SNAP91: variants seen among roughly 807,000 people sequenced by gnomAD.
SNAP91 encodes clathrin coat assembly protein AP180.
A neutral mutation model predicts 100.3 loss-of-function variants in SNAP91; 27 were observed. The observed-to-expected ratio is 0.27, with a 90% CI of 0.20 to 0.37. SNAP91 has a LOEUF of 0.37. Ranked by LOEUF, SNAP91 falls within the 10% of genes least tolerant of loss-of-function variation. The probability of loss-of-function intolerance (pLI) is 1.00; values close to 1 mark genes in which losing one functional copy is unlikely to be tolerated. For missense variants in SNAP91, 986 were observed against 1,123.7 expected (o/e 0.88, Z 1.75); for synonymous variants, 404 against 398.6 (o/e 1.01, Z -0.16).
chr6:83,591,334 G>A, intron 21 of SNAP91, 40 bp from the exon 22 acceptor site: 2 of 1,346,368 alleles, frequency 1.5e-6, no homozygotes, highest in East Asian at 2.3e-5. Flanking sequence ...GTAAGAAAGT[G>A]TAAAAAGTAA....
intron 22 of SNAP91, among the ~76,000 whole-genome samples, chr6:83,585,681 T>G (rs2324446): frequency 0.029 from 4,360 of 152,200 alleles, 77 homozygotes; most frequent in East Asian, 0.057. Flanking sequence ...GATACACTGC[T>G]TTTTAATCAC....
intron 2 of SNAP91, chr6:83,690,355 T>C: frequency 7.8e-7 from 1 of 1,287,414 alleles, no homozygotes; most frequent in Non-Finnish European, 1.0e-6. Flanking sequence ...CCTCATACTT[T>C]GGTTGTATGA....
rs148470987 is a variant in SNAP91, at chr6:83,649,203, T to C, written c.658+7551A>G. Among the ~76,000 whole-genome samples, 887 of 152,350 alleles carry C rather than the reference T, an allele frequency of 5.8e-3. 29 individuals are homozygous for C. Among genetic ancestry groups the C allele is most frequent in the Admixed American group, 0.046 (700 of 15,300 alleles). ...AGCTTATAAGTCATGAATTTGGAAG[T>C]GGCTTAGCTGGATGATTCTGGCTCA... On this transcript the variant is annotated intron_variant, in intron 7 of 29. Coordinates refer to ENST00000369694, the MANE Select transcript of SNAP91 (RefSeq NM_001242792.2).
At chr6:83,659,310 G>T (rs7775325) in intron 5 of SNAP91, among the ~76,000 whole-genome samples, 1 of 151,874 alleles carries the variant, frequency 6.6e-6, no homozygotes, top group South Asian at 2.1e-4. Context: ...TTTTCTATGT[G>T]TACTGCCCTT....
intron 15 of SNAP91, 60 bp downstream of exon 15, chr6:83,601,525 G>A (rs2095222732): frequency 6.2e-7 from 1 of 1,610,816 alleles, no homozygotes; most frequent in African/African-American, 1.3e-5. Flanking sequence ...TCAAAATAAG[G>A]ACAGTTGTTA....
chr6:83,606,940 C>A (rs1057012131), intron 13 of SNAP91, among the ~76,000 whole-genome samples: 3 of 152,200 alleles, frequency 2.0e-5, no homozygotes, highest in East Asian at 3.9e-4. Flanking sequence ...TTATAAAATG[C>A]AGAACTAAGC....
In SNAP91 at chr6:83,621,933, A is replaced by G. The variant is rs541042146; in HGVS notation, c.807+1368T>C. Among the ~76,000 whole-genome samples, 3 of 152,212 alleles carry G rather than the reference A, an allele frequency of 2.0e-5. No individual in the cohort carries two copies. In the East Asian group the frequency reaches 5.8e-4, roughly 29 times the overall value. ...GTATTACTTATGTGGATTATTTTTTAAAATGTACTATAAATTTTACTAAAA... is the reference window on the plus strand; with the variant it reads ...GTATTACTTATGTGGATTATTTTTTGAAATGTACTATAAATTTTACTAAAA... On this transcript the variant is annotated intron_variant, in intron 9 of 29. Transcript: ENST00000369694.
chr6:83,559,090 T>C (rs926727953), intron 28 of SNAP91, among the ~76,000 whole-genome samples: 1 of 152,204 alleles, frequency 6.6e-6, no homozygotes, highest in African/African-American at 2.4e-5. Context: ...TCTCAAATGA[T>C]AGGCATGTCT....
intron 7 of SNAP91, among the ~76,000 whole-genome samples, chr6:83,654,696 G>T (rs1028541729): frequency 3.9e-5 from 6 of 152,120 alleles, no homozygotes; most frequent in African/African-American, 1.4e-4. Flanking sequence ...AGATACGGGG[G>T]TAGAAATTCC....
chr6:83,697,366 A>AC (rs1554372322), intron 2 of SNAP91, among the ~76,000 whole-genome samples: 7 of 148,552 alleles, frequency 4.7e-5, no homozygotes, highest in South Asian at 4.3e-4. Context: ...ACACACACAC[A>AC]ATGCCGGCAA....
chr6:83,647,489 A>G (rs561181191), intron 7 of SNAP91, among the ~76,000 whole-genome samples: 17 of 152,290 alleles, frequency 1.1e-4, no homozygotes, highest in Admixed American at 7.8e-4. Context: ...AGATTACATT[A>G]ATTGATTTTC....
intron 6 of SNAP91, among the ~76,000 whole-genome samples, chr6:83,658,536 G>A (rs1214331951): frequency 6.6e-6 from 1 of 152,164 alleles, no homozygotes; most frequent in Non-Finnish European, 1.5e-5. Flanking sequence ...GTGAACCCAG[G>A]AGGCAGAGCT....
chr6:83,601,641 GC>G lies in SNAP91; in HGVS notation c.1142-43del, dbSNP rs2095240392. On this transcript the variant is annotated intron_variant, in intron 14 of 29. Transcript: ENST00000369694. Reference sequence around the variant, plus strand: ...CATGGCAGCATAAGAATAAATAAGAGCTAAAGTTGAAACATGCAACCATACC... The same window carrying G: ...CATGGCAGCATAAGAATAAATAAGAGTAAAGTTGAAACATGCAACCATACC... The G allele has an allele frequency of 7.5e-6, 12 of 1,602,522 alleles. No individual in the cohort carries two copies. In the East Asian group the frequency reaches 2.7e-4, roughly 36 times the overall value.
At chr6:83,573,357 G>A (rs1223580684) in intron 26 of SNAP91, among the ~76,000 whole-genome samples, 6 of 152,086 alleles carry the variant, frequency 3.9e-5, no homozygotes, top group East Asian at 1.9e-4. Flanking sequence ...AATCAATATC[G>A]TGAAAATGGT....
chr6:83,579,870 T>C (rs1825558770), intron 24 of SNAP91, among the ~76,000 whole-genome samples: 1 of 152,192 alleles, frequency 6.6e-6, no homozygotes, highest in African/African-American at 2.4e-5. Flanking sequence ...CCAGCTCTCC[T>C]TTGTCTGTTC....
At chr6:83,601,485 A>T (rs746653974) in intron 15 of SNAP91, 47 bp from the exon 16 acceptor site, 68 of 1,612,510 alleles carry the variant, frequency 4.2e-5, no homozygotes, top group Non-Finnish European at 5.5e-5. Context: ...AGAAAAGCAA[A>T]GGACAAAAGA....
At chr6:83,630,075 T>C (rs1185912309) in intron 8 of SNAP91, among the ~76,000 whole-genome samples, 2 of 152,168 alleles carry the variant, frequency 1.3e-5, no homozygotes, top group African/African-American at 4.8e-5. Flanking sequence ...TGCTGGAATT[T>C]GTCAAATGCT....
chr6:83,591,367 TATGTAGAGAA>T (rs1363111004), intron 21 of SNAP91, 73 bp from the exon 22 acceptor site: 7 of 991,006 alleles, frequency 7.1e-6, no homozygotes, highest in Non-Finnish European at 1.1e-5. Flanking sequence ...ATTTAAGTAT[TATGTAGAGAA>T]ATGCAGAGAC....
chr6:83,571,909 TAGTG>T (rs1215343778), intron 26 of SNAP91, among the ~76,000 whole-genome samples: 9 of 152,144 alleles, frequency 5.9e-5, no homozygotes, highest in African/African-American at 9.7e-5. Flanking sequence ...GTTCTGGTGA[TAGTG>T]AGTAAGTCTC....
Sources: allele counts gnomAD v4.1 joint callset (sites outside exome capture counted in the v4.1 genomes callset), GRCh38; gene constraint gnomAD v4.1.1; transcripts MANE v1.5; gene names NCBI Gene and HGNC (gene_info 2026-07-23, HGNC 2026-07-21).